The following C7orf57 variants were observed in gnomAD, a reference collection of about 807,000 sequenced individuals.
C7orf57 encodes uncharacterized protein C7orf57.
A neutral mutation model predicts 39.0 loss-of-function variants in C7orf57; 33 were observed. The ratio of observed to expected loss-of-function variants is 0.85; its 90% CI spans 0.64 to 1.13. The LOEUF (loss-of-function observed/expected upper bound fraction) is 1.13. Among genes scored for constraint, C7orf57 ranks in the 50% most tolerant of loss-of-function variants. The probability of loss-of-function intolerance (pLI) is 0.00; values close to 1 mark genes in which losing one functional copy is unlikely to be tolerated. For synonymous variants in C7orf57, 124 were observed against 137.1 expected (o/e 0.90, Z 0.67); for missense variants, 346 against 362.3 (o/e 0.95, Z 0.37).
intron 6 of C7orf57, among the ~76,000 whole-genome samples, chr7:48,051,879 CT>C (rs1370112670): frequency 3.4e-5 from 3 of 87,952 alleles, no homozygotes; most frequent in South Asian, 4.5e-4. Flanking sequence ...TTCTCTTTCT[CT>C]TTCTTTCTTT....
In C7orf57 at chr7:48,048,659, C is replaced by T. The variant is rs1033098839; in HGVS notation, c.508-1221C>T. Among the ~76,000 whole-genome samples, 8 of 151,846 alleles carry T rather than the reference C, an allele frequency of 5.3e-5. No individual in the cohort carries two copies. In the East Asian group the frequency reaches 7.7e-4, roughly 15 times the overall value. On this transcript the variant is annotated intron_variant, in intron 5 of 8. Coordinates refer to ENST00000348904, the MANE Select transcript of C7orf57 (RefSeq NM_001100159.3). ...ACTGCTCCCCAGGTTTTGACTAAGG[C>T]GTCCCTTGTGTACCACCACAGCTGT...
intron 7 of C7orf57, among the ~76,000 whole-genome samples, chr7:48,053,576 C>T (rs1274299161): frequency 6.6e-6 from 1 of 152,104 alleles, no homozygotes; most frequent in Non-Finnish European, 1.5e-5. Flanking sequence ...CTAAGTCTCC[C>T]AAGTAGCTGG....
chr7:48,053,135 A>G, intron 7 of C7orf57: 1 of 675,476 alleles, frequency 1.5e-6, no homozygotes, highest in Non-Finnish European at 2.7e-6. Flanking sequence ...AGCGGAAGTC[A>G]TGACTTTTGG....
At chr7:48,038,950 G>C (rs1790466977) in intron 2 of C7orf57, among the ~76,000 whole-genome samples, 1 of 152,128 alleles carries the variant, frequency 6.6e-6, no homozygotes, top group African/African-American at 2.4e-5. Flanking sequence ...CCAAAGACAC[G>C]GAATCGATAG....
intron 2 of C7orf57, among the ~76,000 whole-genome samples, chr7:48,037,823 C>T (rs1790428097): frequency 6.6e-6 from 1 of 151,406 alleles, no homozygotes; most frequent in Non-Finnish European, 1.5e-5. Flanking sequence ...TGATCCAGGC[C>T]CTCATTCTCT....
Position 48,051,763 on chromosome 7 carries a change from TTTCTTTCTTTC to T in C7orf57, c.606-934_606-924del, listed in dbSNP as rs1790905125. On this transcript the variant is annotated intron_variant, in intron 6 of 8. Transcript: ENST00000348904. ...TCTTTCTTTTTCTTTTCTTTCTTTCTTTCTTTCTTTCTTTCTTTCTTTCTTTCTTTCTTTCC... is the reference window on the plus strand; with the variant it reads ...TCTTTCTTTTTCTTTTCTTTCTTTCTTTTCTTTCTTTCTTTCTTTCTTTCC... Among the ~76,000 whole-genome samples, 4 of 32,402 alleles carry T rather than the reference TTTCTTTCTTTC, an allele frequency of 1.2e-4. 1 individual carries two copies. The highest frequency in any genetic ancestry group is 3.7e-4 in the Non-Finnish European group (4 of 10,906). 21.3% of individuals were successfully genotyped at this position (32,402 alleles called of 152,430 possible).
rs1791256120 is a variant in C7orf57 at position 48,060,319 on chromosome 7, T to G, written c.*47T>G. 1 of 1,197,548 alleles carries G rather than the reference T, an allele frequency of 8.4e-7. No individual in the cohort carries two copies. 74.2% of individuals were successfully genotyped at this position (1,197,548 alleles called of 1,614,324 possible). A position where few individuals can be genotyped will look rare whatever the true frequency, so the allele number is the denominator to read the frequency against. ...AGGATAATTTTTAAATGGCTAAATATGACATGACTGTATTATAGCTATATT... is the reference window on the plus strand; with the variant it reads ...AGGATAATTTTTAAATGGCTAAATAGGACATGACTGTATTATAGCTATATT... On this transcript the variant is annotated 3_prime_UTR_variant, in exon 9 of 9. Coordinates refer to ENST00000348904, the MANE Select transcript of C7orf57 (RefSeq NM_001100159.3).
In C7orf57 at chr7:48,055,979, G is replaced by C. The variant is rs150683340; in HGVS notation, c.841+1373G>C. On this transcript the variant is annotated intron_variant, in intron 8 of 8. Coordinates refer to ENST00000348904, the MANE Select transcript of C7orf57 (RefSeq NM_001100159.3). ...ACTGATTCCATTTCCTTTGATATATGCCCAGCAGTGGGATTGCTATATCAT... is the reference window on the plus strand; with the variant it reads ...ACTGATTCCATTTCCTTTGATATATCCCCAGCAGTGGGATTGCTATATCAT... 7.9e-3 allele frequency among the ~76,000 whole-genome samples: 1,209 copies of C among 152,196 alleles called. 5 individuals carry two copies. Among genetic ancestry groups the C allele is most frequent in the Non-Finnish European group, 0.013 (857 of 68,012 alleles).
intron 8 of C7orf57, among the ~76,000 whole-genome samples, chr7:48,057,099 T>C (rs1791139176): frequency 6.6e-6 from 1 of 152,018 alleles, no homozygotes; most frequent in African/African-American, 2.4e-5. Context: ...AAGATTGGTT[T>C]GGCTATTCAG....
In C7orf57 at chr7:48,057,692, TC is replaced by T. The variant is rs770081323; in HGVS notation, c.842-2532del. Among the ~76,000 whole-genome samples the T allele has an allele frequency of 5.9e-5, 9 of 152,310 alleles. No homozygotes were observed. The East Asian group carries it at 1.5e-3, about 26-fold the overall frequency. On this transcript the variant is annotated intron_variant, in intron 8 of 8. Coordinates refer to ENST00000348904, the MANE Select transcript of C7orf57 (RefSeq NM_001100159.3). ...GTGATAGTGAGCACCCTTGTATTTC[TC>T]CTGATCTTAGAAAAAAAGCTTTCAG...
At chr7:48,053,069 A>C (rs769466232) in intron 7 of C7orf57, 146 bp downstream of exon 7, 12 of 721,252 alleles carry the variant, frequency 1.7e-5, no homozygotes, top group African/African-American at 5.2e-5. Context: ...TACTAAGGTT[A>C]CAGATAAGCA....
chr7:48,058,566 AT>A (rs1229960958), intron 8 of C7orf57, among the ~76,000 whole-genome samples: 1 of 150,520 alleles, frequency 6.6e-6, no homozygotes, highest in Non-Finnish European at 1.5e-5. Context: ...TTCTTTTCTT[AT>A]TTTTTTCAGT....
At chr7:48,047,386 C>T (rs1026207973) in intron 5 of C7orf57, among the ~76,000 whole-genome samples, 1 of 152,342 alleles carries the variant, frequency 6.6e-6, no homozygotes, top group East Asian at 1.9e-4. Flanking sequence ...AGAGTGAACA[C>T]CGTTGTCACC....
intron 2 of C7orf57, among the ~76,000 whole-genome samples, chr7:48,040,715 G>T (rs191722734): frequency 1.3e-5 from 2 of 152,140 alleles, no homozygotes; most frequent in African/African-American, 4.8e-5. Context: ...ATGGAGAGAG[G>T]CTGCCGAGCT....
chr7:48,036,387 C>G (rs763637098), intron 2 of C7orf57, 24 bp downstream of exon 2: 22 of 1,553,024 alleles, frequency 1.4e-5, no homozygotes, highest in South Asian at 9.6e-5. Flanking sequence ...GAGCGCGTCC[C>G]GGCCAGAAAG....
intron 4 of C7orf57, among the ~76,000 whole-genome samples, chr7:48,045,500 C>T (rs529053835): frequency 2.0e-5 from 3 of 152,236 alleles, no homozygotes; most frequent in Admixed American, 6.5e-5. Flanking sequence ...GGCCTCTTCA[C>T]TCGCTCTCTC....
intron 5 of C7orf57, among the ~76,000 whole-genome samples, chr7:48,049,451 G>A (rs983123609): frequency 2.6e-5 from 4 of 152,106 alleles, no homozygotes; most frequent in African/African-American, 9.7e-5. Flanking sequence ...ATTTGTTTCT[G>A]TTGCTGAGTT....
intron 2 of C7orf57, 58 bp from the exon 3 acceptor site, chr7:48,041,276 C>A: frequency 6.6e-7 from 1 of 1,513,132 alleles, no homozygotes; most frequent in Non-Finnish European, 9.0e-7. Flanking sequence ...CTGGTAGAGG[C>A]CTAGAGGCCA....
chr7:48,051,744 T>TC lies in C7orf57; in HGVS notation c.606-956_606-955insC, dbSNP rs1562629482. Among the ~76,000 whole-genome samples, 4 of 52,464 alleles carry TC rather than the reference T, an allele frequency of 7.6e-5. No homozygotes were observed. In the South Asian group the frequency reaches 2.3e-3, roughly 30 times the overall value. The allele number at this position is 52,464 out of a possible 152,430, so 34.4% of individuals were successfully genotyped here. ...TTTCTTTCTCTTTTTCTTTTCTTTC[T>TC]TTTTCTTTTCTTTCTTTCTTTCTTT... On this transcript the variant is annotated intron_variant, in intron 6 of 8. Transcript: ENST00000348904.
Sources: gnomAD v4.1 joint callset for allele counts (sites outside exome capture counted in the v4.1 genomes callset) on GRCh38, gnomAD v4.1.1 for gene constraint, MANE v1.5 for transcripts, NCBI Gene and HGNC (gene_info 2026-07-23, HGNC 2026-07-21) for gene names.